NXPH1: variants seen among roughly 807,000 people sequenced by gnomAD.
NXPH1 encodes the protein neurexophilin 1.
A neutral mutation model predicts 23.7 loss-of-function variants in NXPH1; 5 were observed. The observed-to-expected ratio is 0.21, with a 90% CI of 0.11 to 0.44. The LOEUF is 0.44. Ranked by LOEUF, NXPH1 falls within the 20% of genes least tolerant of loss-of-function variation. The probability of loss-of-function intolerance (pLI) is 0.99; values close to 1 mark genes in which losing one functional copy is unlikely to be tolerated. For missense variants in NXPH1, 324 were observed against 321.6 expected (o/e 1.01, Z -0.06); for synonymous variants, 144 against 122.2 (o/e 1.18, Z -1.18).
chr7:8,663,912 T>A (rs1820719706), intron 2 of NXPH1, among the ~76,000 whole-genome samples: 1 of 152,120 alleles, frequency 6.6e-6, no homozygotes, highest in Non-Finnish European at 1.5e-5. Flanking sequence ...CTACCCTTTT[T>A]ACTGGATTTA....
At chr7:8,616,529 G>C (rs1184763735) in intron 2 of NXPH1, among the ~76,000 whole-genome samples, 2 of 152,032 alleles carry the variant, frequency 1.3e-5, no homozygotes, top group African/African-American at 2.4e-5. Context: ...CAAGTATAGT[G>C]CCTTGAAGGT....
At chr7:8,653,592 G>T (rs1191685127) in intron 2 of NXPH1, among the ~76,000 whole-genome samples, 10 of 152,006 alleles carry the variant, frequency 6.6e-5, no homozygotes, top group Admixed American at 1.3e-4. Flanking sequence ...TTTCAATTAT[G>T]GTAATGGCAG....
intron 2 of NXPH1, among the ~76,000 whole-genome samples, chr7:8,681,896 T>G (rs956420018): frequency 4.6e-5 from 7 of 152,198 alleles, no homozygotes; most frequent in African/African-American, 1.4e-4. Flanking sequence ...GTGCGTCATT[T>G]ACTGCAGTGA....
chr7:8,695,071 T>A (rs1359422525), intron 2 of NXPH1, among the ~76,000 whole-genome samples: 1 of 152,208 alleles, frequency 6.6e-6, no homozygotes, highest in Non-Finnish European at 1.5e-5. Context: ...AACAGTCCTT[T>A]TAGGAAAAAA....
At chr7:8,528,739 A>C (rs1337821678) in intron 2 of NXPH1, among the ~76,000 whole-genome samples, 1 of 152,208 alleles carries the variant, frequency 6.6e-6, no homozygotes, top group African/African-American at 2.4e-5. Flanking sequence ...GTTTTATATT[A>C]AAGTTGAGAC....
At chr7:8,600,991 A>C (rs977803960) in intron 2 of NXPH1, among the ~76,000 whole-genome samples, 1 of 151,806 alleles carries the variant, frequency 6.6e-6, no homozygotes, top group African/African-American at 2.4e-5. Context: ...AATTTATTGC[A>C]TTAGGTATTA....
chr7:8,642,757 G>T (rs1444662181), intron 2 of NXPH1, among the ~76,000 whole-genome samples: 2 of 152,050 alleles, frequency 1.3e-5, no homozygotes. Flanking sequence ...GGTCAATGGA[G>T]AATAGTAACT....
chr7:8,481,840 T>C (rs1179972261), intron 2 of NXPH1, among the ~76,000 whole-genome samples: 1 of 152,132 alleles, frequency 6.6e-6, no homozygotes, highest in Non-Finnish European at 1.5e-5. Context: ...CTTCCTCCCC[T>C]GTAGTCCCCA....
intron 2 of NXPH1, among the ~76,000 whole-genome samples, chr7:8,513,283 G>GGATATC (rs1197959555): frequency 6.6e-6 from 1 of 151,904 alleles, no homozygotes; most frequent in Non-Finnish European, 1.5e-5. Flanking sequence ...TAGAATGAAG[G>GGATATC]GATATCACAG....
At chr7:8,471,886 G>A (rs1340359065) in intron 2 of NXPH1, among the ~76,000 whole-genome samples, 1 of 151,910 alleles carries the variant, frequency 6.6e-6, no homozygotes, top group African/African-American at 2.4e-5. Context: ...ATAATCTCAT[G>A]GTAAATGGTG....
At chr7:8,746,721 A>AT (rs1317857044) in intron 2 of NXPH1, among the ~76,000 whole-genome samples, 1 of 152,178 alleles carries the variant, frequency 6.6e-6, no homozygotes, top group African/African-American at 2.4e-5. Context: ...CTCTTAACAA[A>AT]TTTTTAAACT....
At chr7:8,512,309 T>G (rs993005603) in intron 2 of NXPH1, among the ~76,000 whole-genome samples, 2 of 152,178 alleles carry the variant, frequency 1.3e-5, no homozygotes, top group Admixed American at 6.5e-5. Context: ...TTTTGAATTT[T>G]AAAACATTCA....
chr7:8,694,275 C>T (rs1467929284), intron 2 of NXPH1, among the ~76,000 whole-genome samples: 14 of 152,174 alleles, frequency 9.2e-5, no homozygotes, highest in Non-Finnish European at 5.9e-5. Context: ...TCAGATGCCC[C>T]TATGTGCATT....
intron 2 of NXPH1, among the ~76,000 whole-genome samples, chr7:8,474,022 A>G (rs139078384): frequency 6.6e-6 from 1 of 152,286 alleles, no homozygotes; most frequent in Non-Finnish European, 1.5e-5. Flanking sequence ...GCCAATCTAC[A>G]AGAGCCTGCT....
At chr7:8,535,268 AAAAG>A (rs1372489730) in intron 2 of NXPH1, among the ~76,000 whole-genome samples, 1 of 152,122 alleles carries the variant, frequency 6.6e-6, no homozygotes, top group East Asian at 1.9e-4. Context: ...ACCAACAAAA[AAAAG>A]GAAACAATCA....
In NXPH1 at chr7:8,751,178, A is replaced by G; in HGVS notation, c.225A>G (p.Arg75=). 3 of 1,613,836 alleles carry G rather than the reference A, an allele frequency of 1.9e-6. No homozygotes were observed. The highest frequency in any genetic ancestry group is 2.5e-6 in the Non-Finnish European group (3 of 1,179,808). ...GKENDTDLDL[R]YDTPEPYSEQ... Reference sequence around the variant, plus strand: ...AGAATGATACAGATTTGGACCTGAGATATGACACCCCAGAACCTTATTCTG... The same window carrying G: ...AGAATGATACAGATTTGGACCTGAGGTATGACACCCCAGAACCTTATTCTG... The change falls in exon 3 of 3, where the codon AGA becomes AGG. Residue 75 remains arginine, a synonymous_variant. Transcript: ENST00000405863. The surrounding 1 kb of genome is among the most constrained non-coding windows in gnomAD (Gnocchi z 4.5).
intron 2 of NXPH1, among the ~76,000 whole-genome samples, chr7:8,448,675 G>T (rs914635263): frequency 2.6e-5 from 4 of 152,118 alleles, no homozygotes; most frequent in Non-Finnish European, 5.9e-5. Context: ...AAACGAGCCG[G>T]GTGTGGCGGC....
chr7:8,544,220 T>C (rs1405510418), intron 2 of NXPH1, among the ~76,000 whole-genome samples: 1 of 127,956 alleles, frequency 7.8e-6, no homozygotes, highest in Non-Finnish European at 1.6e-5. Flanking sequence ...AACTGTTGCT[T>C]TAGCTTGTTT....
chr7:8,443,236 C>G (rs747769703), intron 2 of NXPH1, among the ~76,000 whole-genome samples: 3 of 152,250 alleles, frequency 2.0e-5, no homozygotes, highest in Non-Finnish European at 2.9e-5. Flanking sequence ...CATTACCACA[C>G]TCAGTGGTTG....
Sources: gnomAD v4.1 joint callset for allele counts (sites outside exome capture counted in the v4.1 genomes callset) on GRCh38, gnomAD v4.1.1 for gene constraint, Gnocchi (gnomAD v3.1) non-coding constraint, MANE v1.5 for transcripts, NCBI Gene and HGNC (gene_info 2026-07-23, HGNC 2026-07-21) for gene names.